Variants in TCF12 observed in about 807,000 individuals in gnomAD.
TCF12 encodes the protein DNA-binding protein HTF4.
TCF12 carries 45 observed loss-of-function variants against 86.0 expected under a neutral mutation model. That is an observed-to-expected ratio of 0.52 (90% CI 0.41 to 0.67). TCF12 has a LOEUF of 0.67. TCF12 is among the 30% of genes least tolerant of loss of function. The pLI is 0.00. For synonymous variants in TCF12, 330 were observed against 299.6 expected (o/e 1.10, Z -1.05); for missense variants, 881 against 859.9 (o/e 1.02, Z -0.31).
At chr15:57,022,259 A>G (rs1437945246) in intron 3 of TCF12, among the ~76,000 whole-genome samples, 2 of 149,746 alleles carry the variant, frequency 1.3e-5, no homozygotes, top group African/African-American at 2.5e-5. Context: ...GATGTTCCCC[A>G]TCCTGTGTCC....
At chr15:56,953,268 T>A (rs1342376961) in intron 3 of TCF12, among the ~76,000 whole-genome samples, 1 of 152,108 alleles carries the variant, frequency 6.6e-6, no homozygotes. Flanking sequence ...ATTTAGAATT[T>A]TTCATGTGTG....
At chr15:56,987,304 A>G (rs2063239826) in intron 3 of TCF12, among the ~76,000 whole-genome samples, 2 of 151,844 alleles carry the variant, frequency 1.3e-5, no homozygotes, top group African/African-American at 4.8e-5. Flanking sequence ...TAGTAAAGAG[A>G]GGGTTTCATC....
At chr15:57,192,339 G>A (rs1339548390) in intron 7 of TCF12, 46 bp downstream of exon 7, 1 of 1,571,800 alleles carries the variant, frequency 6.4e-7, no homozygotes, top group Admixed American at 1.8e-5. Context: ...TGTTGTTGTT[G>A]TTTTTTCCTC....
intron 5 of TCF12, among the ~76,000 whole-genome samples, chr15:57,104,380 G>A (rs916750228): frequency 3.3e-5 from 5 of 149,640 alleles, no homozygotes; most frequent in East Asian, 3.9e-4. Flanking sequence ...TACTAAGCAC[G>A]TTGATTCTTC....
intron 3 of TCF12, among the ~76,000 whole-genome samples, chr15:56,950,921 T>C (rs2061244072): frequency 6.6e-6 from 1 of 151,784 alleles, no homozygotes; most frequent in Non-Finnish European, 1.5e-5. Flanking sequence ...CACACCTGGC[T>C]AATTTTGTGT....
intron 4 of TCF12, among the ~76,000 whole-genome samples, chr15:57,085,541 T>C (rs1463460862): frequency 6.6e-6 from 1 of 152,194 alleles, no homozygotes; most frequent in African/African-American, 2.4e-5. Context: ...AACAGACTGT[T>C]GTGATCAAGT....
intron 6 of TCF12, among the ~76,000 whole-genome samples, chr15:57,184,992 G>A (rs548757823): frequency 7.2e-5 from 11 of 151,948 alleles, no homozygotes; most frequent in African/African-American, 2.7e-4. Flanking sequence ...TCTCCTTTAG[G>A]TCTGATAATT....
chr15:57,100,144 T>A lies in TCF12; in HGVS notation c.325+8253T>A, dbSNP rs1188372503. Reference sequence around the variant, plus strand: ...TCTTCCCATTGTTTGTGTCTAGTTCTAACCAAGTGAACATGAACTCCTAAC... The same window carrying A: ...TCTTCCCATTGTTTGTGTCTAGTTCAAACCAAGTGAACATGAACTCCTAAC... On this transcript the variant is annotated intron_variant, in intron 5 of 20. Coordinates refer to ENST00000333725, the MANE Select transcript of TCF12 (RefSeq NM_207037.2). Among the ~76,000 whole-genome samples the A allele has an allele frequency of 6.6e-5, 10 of 152,214 alleles. 1 individual carries two copies. The highest frequency in any genetic ancestry group is 1.5e-4 in the Non-Finnish European group (10 of 68,034).
In TCF12 at chr15:57,074,366, A is replaced by C. The variant is rs904571472; in HGVS notation, c.222+10543A>C. Reference sequence around the variant, plus strand: ...ATTTCATGCCCATTTTGATTAAAAAAAAAAAAAAAAAAAAGATGTTAGGAA... The same window carrying C: ...ATTTCATGCCCATTTTGATTAAAAACAAAAAAAAAAAAAAGATGTTAGGAA... On this transcript the variant is annotated intron_variant, in intron 4 of 20. Coordinates refer to ENST00000333725, the MANE Select transcript of TCF12 (RefSeq NM_207037.2). Among the ~76,000 whole-genome samples the C allele has an allele frequency of 6.1e-5, 9 of 148,268 alleles. 1 individual carries two copies. Among genetic ancestry groups the C allele is most frequent in the South Asian group, 4.1e-4 (2 of 4,822 alleles).
chr15:57,068,618 T>C (rs1173118543), intron 4 of TCF12, among the ~76,000 whole-genome samples: 12 of 152,332 alleles, frequency 7.9e-5, no homozygotes, highest in African/African-American at 2.9e-4. Flanking sequence ...GCTCTATACA[T>C]GTTTGCTGAA....
At chr15:57,092,168 A>G (rs1299541346) in intron 5 of TCF12, 2 of 304,934 alleles carry the variant, frequency 6.6e-6, no homozygotes, top group African/African-American at 4.3e-5. Context: ...CAAGCATTAC[A>G]TGTTTTCTGG....
intron 3 of TCF12, among the ~76,000 whole-genome samples, chr15:56,970,325 C>CA (rs1356744371): frequency 2.0e-5 from 3 of 151,642 alleles, no homozygotes; most frequent in Non-Finnish European, 4.4e-5. Flanking sequence ...ACTAAAAATA[C>CA]AAAAATTAGC....
intron 3 of TCF12, among the ~76,000 whole-genome samples, chr15:56,957,606 A>G (rs2061554258): frequency 6.6e-6 from 1 of 152,224 alleles, no homozygotes; most frequent in Non-Finnish European, 1.5e-5. Context: ...TTGAACATAT[A>G]GAGCACGTAA....
chr15:57,089,883 A>G (rs1169325864), intron 4 of TCF12, among the ~76,000 whole-genome samples: 1 of 152,144 alleles, frequency 6.6e-6, no homozygotes, highest in East Asian at 1.9e-4. Context: ...TACGTGAGAT[A>G]GTGATTTGTC....
chr15:57,173,932 C>T (rs2151600354), intron 6 of TCF12, among the ~76,000 whole-genome samples: 1 of 151,998 alleles, frequency 6.6e-6, no homozygotes, highest in African/African-American at 2.4e-5. Flanking sequence ...GGTCTCAAAC[C>T]CCTGACCTTG....
chr15:57,034,458 T>C (rs1453876900), intron 3 of TCF12, among the ~76,000 whole-genome samples: 1 of 152,176 alleles, frequency 6.6e-6, no homozygotes, highest in Non-Finnish European at 1.5e-5. Context: ...CAAAGGAAAT[T>C]AATAATGTTT....
At chr15:57,107,096 C>T (rs950254127) in intron 5 of TCF12, among the ~76,000 whole-genome samples, 1 of 152,118 alleles carries the variant, frequency 6.6e-6, no homozygotes, top group African/African-American at 2.4e-5. Context: ...AAAATTAATC[C>T]ACACAGTAAT....
chr15:57,054,600 T>A (rs1410228239), intron 3 of TCF12, among the ~76,000 whole-genome samples: 2 of 152,148 alleles, frequency 1.3e-5, no homozygotes, highest in South Asian at 4.1e-4. Context: ...TGCTTCCCTG[T>A]CTTCTTTCCC....
At chr15:57,115,260 CATTT>C (rs1276583812) in intron 5 of TCF12, among the ~76,000 whole-genome samples, 1 of 152,124 alleles carries the variant, frequency 6.6e-6, no homozygotes, top group Non-Finnish European at 1.5e-5. Context: ...GTACTTCATT[CATTT>C]ATTTATGGAG....
Sources: allele counts gnomAD v4.1 joint callset (sites outside exome capture counted in the v4.1 genomes callset), GRCh38; gene constraint gnomAD v4.1.1; transcripts MANE v1.5; gene names NCBI Gene and HGNC (gene_info 2026-07-23, HGNC 2026-07-21).